The following ST7 variants were observed in gnomAD, a reference collection of about 807,000 sequenced individuals.
The protein encoded by ST7 is suppression of tumorigenicity 7.
In ST7, 28 loss-of-function variants were observed where a neutral mutation model predicts 78.7. The observed-to-expected ratio is 0.36, with a 90% CI of 0.26 to 0.49. The LOEUF is 0.49. Ranked by LOEUF, ST7 falls within the 20% of genes least tolerant of loss-of-function variation. The pLI is 0.99. For synonymous variants in ST7, 247 were observed against 249.6 expected (o/e 0.99, Z 0.10); for missense variants, 418 against 696.0 (o/e 0.60, Z 4.49).
At chr7:117,102,181 G>A (rs1294967721) in intron 2 of ST7, among the ~76,000 whole-genome samples, 2 of 152,172 alleles carry the variant, frequency 1.3e-5, no homozygotes, top group African/African-American at 4.8e-5. Context: ...GATGGTGATA[G>A]TGTATGGTAG....
At chr7:116,961,080 T>C (rs2116164830) in intron 1 of ST7, among the ~76,000 whole-genome samples, 1 of 152,286 alleles carries the variant, frequency 6.6e-6, no homozygotes, top group South Asian at 2.1e-4. Flanking sequence ...CCTTCTCCCA[T>C]TGCTTGTTTT....
At chr7:117,108,719 A>G (rs958485863) in intron 2 of ST7, among the ~76,000 whole-genome samples, 6 of 152,302 alleles carry the variant, frequency 3.9e-5, no homozygotes, top group Non-Finnish European at 5.9e-5. Context: ...CTACCCATCC[A>G]TGAGCATGGG....
At chr7:117,140,376 A>T (rs907743233) in intron 9 of ST7, among the ~76,000 whole-genome samples, 2 of 152,076 alleles carry the variant, frequency 1.3e-5, no homozygotes, top group African/African-American at 2.4e-5. Flanking sequence ...AATACCTTTT[A>T]TGTGCTTTTC....
intron 7 of ST7, among the ~76,000 whole-genome samples, chr7:117,135,537 C>T (rs980762633): frequency 2.6e-5 from 4 of 151,832 alleles, no homozygotes; most frequent in Non-Finnish European, 4.4e-5. Flanking sequence ...CTTGATTTAA[C>T]GAATTTCTTA....
chr7:117,045,108 A>G (rs1037208662), intron 1 of ST7, among the ~76,000 whole-genome samples: 2 of 152,018 alleles, frequency 1.3e-5, no homozygotes, highest in Non-Finnish European at 2.9e-5. Flanking sequence ...CATTGCCTCC[A>G]CCATTACTAC....
intron 10 of ST7, among the ~76,000 whole-genome samples, chr7:117,172,087 A>G (rs1808037590): frequency 6.6e-6 from 1 of 151,966 alleles, no homozygotes; most frequent in Non-Finnish European, 1.5e-5. Context: ...AGTGACTAGG[A>G]CTATAGGAGT....
intron 3 of ST7, 87 bp downstream of exon 3, chr7:117,119,807 G>T (rs1266077993): frequency 2.7e-6 from 4 of 1,456,760 alleles, no homozygotes; most frequent in Middle Eastern, 1.8e-4. Context: ...TAAGAATGTT[G>T]TTATTTAAAC....
At chr7:117,045,522 A>G (rs1333570291) in intron 1 of ST7, among the ~76,000 whole-genome samples, 1 of 152,060 alleles carries the variant, frequency 6.6e-6, no homozygotes, top group Non-Finnish European at 1.5e-5. Context: ...GTATCTTCTC[A>G]ATGAGGCCTG....
intron 9 of ST7, among the ~76,000 whole-genome samples, chr7:117,159,275 T>C (rs1806943387): frequency 6.6e-6 from 1 of 152,186 alleles, no homozygotes; most frequent in African/African-American, 2.4e-5. Context: ...TGCCTCAGAT[T>C]CTTCCATTGA....
intron 9 of ST7, among the ~76,000 whole-genome samples, chr7:117,161,295 G>A (rs1807121138): frequency 6.6e-6 from 1 of 151,922 alleles, no homozygotes; most frequent in Non-Finnish European, 1.5e-5. Flanking sequence ...TTTTGAGGAA[G>A]AAACTTTTAA....
intron 1 of ST7, among the ~76,000 whole-genome samples, chr7:116,993,191 C>T (rs183947360): frequency 6.6e-6 from 1 of 152,276 alleles, no homozygotes; most frequent in African/African-American, 2.4e-5. Flanking sequence ...TAGCAACGCC[C>T]CACTCTACTG....
chr7:117,227,267 C>A (rs1793508571), intron 15 of ST7, among the ~76,000 whole-genome samples: 1 of 152,214 alleles, frequency 6.6e-6, no homozygotes, highest in Non-Finnish European at 1.5e-5. Context: ...GCAGTTGCAA[C>A]AGCTCCATGG....
chr7:117,154,510 A>C (rs879306950), intron 9 of ST7, among the ~76,000 whole-genome samples: 7 of 152,206 alleles, frequency 4.6e-5, no homozygotes, highest in Admixed American at 6.5e-5. Flanking sequence ...GTAGAGGTGC[A>C]GAGTGACAGG....
chr7:116,961,552 C>CGTG (rs1333472043), intron 1 of ST7, among the ~76,000 whole-genome samples: 1 of 113,094 alleles, frequency 8.8e-6, no homozygotes, highest in Non-Finnish European at 1.8e-5. Context: ...AGCTGTATTC[C>CGTG]TACGTGTGTG....
chr7:116,967,246 C>T (rs1325388361), intron 1 of ST7: 2 of 469,732 alleles, frequency 4.3e-6, no homozygotes, highest in African/African-American at 4.0e-5. Flanking sequence ...TGAGCCTGTT[C>T]TGGAAGACCC....
At chr7:117,178,926 G>A (rs1380412313) in intron 10 of ST7, among the ~76,000 whole-genome samples, 1 of 152,154 alleles carries the variant, frequency 6.6e-6, no homozygotes, top group Non-Finnish European at 1.5e-5. Flanking sequence ...TTTTGTTTCA[G>A]CAGCAGCATT....
At chr7:117,077,775 T>A (rs146703508) in intron 1 of ST7, among the ~76,000 whole-genome samples, 2 of 152,174 alleles carry the variant, frequency 1.3e-5, no homozygotes, top group East Asian at 3.9e-4. Flanking sequence ...TGTTATCAAA[T>A]TTTTGGATTT....
intron 1 of ST7, among the ~76,000 whole-genome samples, chr7:117,037,096 T>G (rs1361678197): frequency 6.6e-6 from 1 of 152,176 alleles, no homozygotes; most frequent in Non-Finnish European, 1.5e-5. Flanking sequence ...GGAAGTCGCA[T>G]GGACAACCGG....
intron 1 of ST7, among the ~76,000 whole-genome samples, chr7:117,047,420 TA>T (rs1254212595): frequency 6.6e-6 from 1 of 152,224 alleles, no homozygotes; most frequent in African/African-American, 2.4e-5. Context: ...CATTTGATTG[TA>T]AGAACTGAAT....
Sources: allele counts gnomAD v4.1 joint callset (sites outside exome capture counted in the v4.1 genomes callset), GRCh38; gene constraint gnomAD v4.1.1; transcripts MANE v1.5; gene names NCBI Gene and HGNC (gene_info 2026-07-23, HGNC 2026-07-21).